SPC25: variants seen among roughly 807,000 people sequenced by gnomAD.
The protein encoded by SPC25 is SPC25 component of NDC80 kinetochore complex.
In SPC25, 22 loss-of-function variants were observed where a neutral mutation model predicts 29.6. The observed-to-expected ratio is 0.74, with a 90% CI of 0.53 to 1.06. The LOEUF (loss-of-function observed/expected upper bound fraction) is 1.06. SPC25 is among the 50% of genes least tolerant of loss of function. The probability of loss-of-function intolerance (pLI) is 0.00; values close to 1 mark genes in which losing one functional copy is unlikely to be tolerated. For missense variants in SPC25, 230 were observed against 255.8 expected (o/e 0.90, Z 0.69); for synonymous variants, 91 against 90.4 (o/e 1.01, Z -0.04).
chr2:168,888,992 TATATATATACAC>T (rs1690328543), intron 3 of SPC25, among the ~76,000 whole-genome samples: 1 of 109,074 alleles, frequency 9.2e-6, no homozygotes, highest in Non-Finnish European at 1.8e-5. Context: ...CATATATATG[TATATATATACAC>T]ATATATGTAT....
chr2:168,867,550 G>A (rs1487086143), downstream of SPC25, among the ~76,000 whole-genome samples: 8 of 152,314 alleles, frequency 5.3e-5, no homozygotes, highest in East Asian at 1.5e-3. Context: ...GATCTACCAA[G>A]CAAATGGAAA....
chr2:168,873,446 A>G, intron 6 of SPC25, 139 bp downstream of exon 6: 2 of 582,036 alleles, frequency 3.4e-6, no homozygotes, highest in Admixed American at 2.9e-5. Context: ...TTAGAAGACT[A>G]TACTCCAAGA....
chr2:168,863,250 A>G, intron 4 of SPC25: 1 of 248,590 alleles, frequency 4.0e-6, no homozygotes, highest in Non-Finnish European at 6.4e-6. Context: ...TCTTGTTAAT[A>G]GATTATGTCA....
intron 5 of SPC25, 136 bp from the exon 6 acceptor site, chr2:168,873,819 A>G: frequency 2.0e-6 from 1 of 493,528 alleles, no homozygotes; most frequent in Non-Finnish European, 3.6e-6. Context: ...AGAAGTTACA[A>G]ATTCGTTTTA....
chr2:168,862,086 A>G (rs762328528), intron 4 of SPC25: 3 of 1,563,410 alleles, frequency 1.9e-6, no homozygotes, highest in Non-Finnish European at 1.8e-6. Flanking sequence ...TTGCCTTCCC[A>G]TATTGAGATT....
At chr2:168,885,112 A>T (rs114741802) in intron 3 of SPC25, among the ~76,000 whole-genome samples, 3,221 of 152,242 alleles carry the variant, frequency 0.021, 112 homozygotes, top group African/African-American at 0.074. Flanking sequence ...CTTGCTGCAC[A>T]ATAAACTCAG....
intron 4 of SPC25, chr2:168,864,853 C>G: frequency 1.2e-6 from 2 of 1,613,606 alleles, no homozygotes; most frequent in Non-Finnish European, 1.7e-6. Flanking sequence ...TGATTATACA[C>G]GAGAAAAAAG....
downstream of SPC25, among the ~76,000 whole-genome samples, chr2:168,869,052 A>T (rs2105818552): frequency 6.6e-6 from 1 of 152,352 alleles, no homozygotes; most frequent in South Asian, 2.1e-4. Context: ...CTGGTTCAAC[A>T]TACGAAAATC....
intron 5 of SPC25, among the ~76,000 whole-genome samples, chr2:168,874,724 G>A (rs1414273777): frequency 1.3e-5 from 2 of 152,092 alleles, no homozygotes; most frequent in Non-Finnish European, 2.9e-5. Flanking sequence ...TAAGCGTCCA[G>A]AACCTCTAAT....
At position 168,888,993 on chromosome 2, in the gene SPC25, ATATATATACACATATATG is replaced by A. The variant is rs1559158619; in HGVS notation, c.199+215_199+232del. ...TATATACACACACACATATATATGT[ATATATATACACATATATG>A]TATATATATACACATATATATACAT... is the stretch of plus-strand genomic sequence containing the variant. On this transcript the variant is annotated intron_variant, in intron 3 of 6. Transcript: ENST00000282074. Among the ~76,000 whole-genome samples, 22 of 125,756 alleles carry A rather than the reference ATATATATACACATATATG, an allele frequency of 1.7e-4. 1 individual carries two copies. The highest frequency in any genetic ancestry group is 6.8e-4 in the African/African-American group (20 of 29,480). The allele number at this position is 125,756 out of a possible 152,430, so 82.5% of individuals were successfully genotyped here.
At chr2:168,869,385 G>A (rs1257918429), downstream of SPC25, among the ~76,000 whole-genome samples, 1 of 152,216 alleles carries the variant, frequency 6.6e-6, no homozygotes, top group Non-Finnish European at 1.5e-5. Context: ...GGAAATAAAG[G>A]GCATTCAATT....
Position 168,873,649 on chromosome 2 carries a change from G to A in SPC25, c.486C>T (p.Asp162=). 6.2e-7 allele frequency: 1 copy of A among 1,611,400 alleles called. No homozygotes were observed. Among genetic ancestry groups the A allele is most frequent in the Non-Finnish European group, 8.5e-7 (1 of 1,178,176 alleles). ...TAAATGGGCTCTCAGGATTCTTAGGGTCAATATTAGTGAAAATAAACTGCA... is the reference window on the plus strand; with the variant it reads ...TAAATGGGCTCTCAGGATTCTTAGGATCAATATTAGTGAAAATAAACTGCA... ...EKLQFIFTNI[D]PKNPESPFMF... The change falls in exon 6 of 7, where the codon GAC becomes GAT. Residue 162 remains aspartate (D), a synonymous_variant. Transcript: ENST00000282074.
chr2:168,864,888 T>C, intron 4 of SPC25: 1 of 1,613,964 alleles, frequency 6.2e-7, no homozygotes, highest in Non-Finnish European at 8.5e-7. Context: ...TTTGGATCTT[T>C]GAATGGGAAA....
At chr2:168,863,546 T>TTCTC in intron 4 of SPC25, 12 of 985,362 alleles carry the variant, frequency 1.2e-5, no homozygotes, top group Non-Finnish European at 1.4e-5. Context: ...CTCTATGGAA[T>TTCTC]TCTCTTTATT....
At chr2:168,881,274 C>T (rs1419328023) in intron 3 of SPC25, among the ~76,000 whole-genome samples, 1 of 152,190 alleles carries the variant, frequency 6.6e-6, no homozygotes, top group Non-Finnish European at 1.5e-5. Context: ...CTTGCCCTAG[C>T]CCTCTTAAAC....
chr2:168,869,192 T>C (rs1461193951), downstream of SPC25, among the ~76,000 whole-genome samples: 3 of 152,168 alleles, frequency 2.0e-5, no homozygotes, highest in African/African-American at 4.8e-5. Flanking sequence ...AATTAGGTAT[T>C]GATGGGATGT....
chr2:168,864,877 G>C (rs1479226383), intron 4 of SPC25: 1 of 1,613,966 alleles, frequency 6.2e-7, no homozygotes, highest in Admixed American at 1.7e-5. Flanking sequence ...GAGGATGGTG[G>C]TTTGGATCTT....
At chr2:168,861,843 T>A in intron 4 of SPC25, 1 of 907,770 alleles carries the variant, frequency 1.1e-6, no homozygotes, top group East Asian at 2.5e-5. Flanking sequence ...ACTTTCCTTT[T>A]GAGAAAAATT....
chr2:168,871,665 T>C, intron 6 of SPC25, 110 bp from the exon 7 acceptor site: 7 of 1,043,208 alleles, frequency 6.7e-6, no homozygotes, highest in Non-Finnish European at 9.4e-6. Flanking sequence ...AATTCCATCT[T>C]AATGAAATTC....
Sources: gnomAD v4.1 joint callset for allele counts (sites outside exome capture counted in the v4.1 genomes callset) on GRCh38, gnomAD v4.1.1 for gene constraint, MANE v1.5 for transcripts, NCBI Gene and HGNC (gene_info 2026-07-23, HGNC 2026-07-21) for gene names.